The following ZGRF1 variants were observed in gnomAD, a reference collection of about 807,000 sequenced individuals.
ZGRF1 encodes the protein zinc finger GRF-type containing 1.
A neutral mutation model predicts 203.5 loss-of-function variants in ZGRF1; 196 were observed. The observed-to-expected ratio is 0.96, with a 90% CI of 0.86 to 1.08. The LOEUF (loss-of-function observed/expected upper bound fraction) is 1.08, where lower values mean the gene tolerates loss of function less well. Among genes scored for constraint, ZGRF1 ranks in the 50% least tolerant of loss-of-function variants. The pLI is 0.00. For synonymous variants in ZGRF1, 809 were observed against 841.3 expected (o/e 0.96, Z 0.66); for missense variants, 2,326 against 2,416.3 (o/e 0.96, Z 0.78).
Position 112,585,650 on chromosome 4 carries a change from T to TA in ZGRF1, c.3991dup (p.Tyr1331LeufsTer15). The TA allele has an allele frequency of 1.2e-6, 2 of 1,609,704 alleles. No homozygotes were observed. The highest frequency in any genetic ancestry group is 1.1e-5 in the South Asian group (1 of 90,742). ...CAGTTTCTCTCCCTTCAATGATGTA[T>TA]AAAATGATATGTCAACTTTTGAAAG... On this transcript the variant is annotated frameshift_variant, in exon 14 of 28. Coordinates refer to ENST00000505019, the MANE Select transcript of ZGRF1 (RefSeq NM_018392.5). LOFTEE classifies it high-confidence loss of function.
intron 16 of ZGRF1, among the ~76,000 whole-genome samples, chr4:112,569,749 A>G (rs1743859202): frequency 6.6e-6 from 1 of 152,196 alleles, no homozygotes; most frequent in Non-Finnish European, 1.5e-5. Context: ...AAATTCAACT[A>G]TCGGGCTTAT....
Position 112,560,952 on chromosome 4 carries a change from T to A in ZGRF1, c.4741A>T (p.Lys1581Ter). ...IVSNKRVSKRKFIPPAFTNVS... is the reference protein window; with the variant it reads ...IVSNKRVSKR ...TTTGTGAAGGCTGGTGGGATAAATT[T>A]TCTCTTACTGACTCTTTTGTTACTA... is the stretch of plus-strand genomic sequence containing the variant. Residue 1581 changes from lysine (K) to a stop codon, truncating the protein, a stop_gained, in exon 19 of 28, where the codon AAA (lysine) becomes TAA (stop). Coordinates refer to ENST00000505019, the MANE Select transcript of ZGRF1 (RefSeq NM_018392.5). LOFTEE classifies it high-confidence loss of function. 1 of 1,611,700 alleles carries A rather than the reference T, an allele frequency of 6.2e-7. No individual in the cohort carries two copies. The highest frequency in any genetic ancestry group is 8.5e-7 in the Non-Finnish European group (1 of 1,178,278).
At chr4:112,550,052 G>T (rs1463070803) in intron 22 of ZGRF1, among the ~76,000 whole-genome samples, 1 of 152,144 alleles carries the variant, frequency 6.6e-6, no homozygotes, top group Non-Finnish European at 1.5e-5. Flanking sequence ...AATTAGCCGG[G>T]CGTGGTGGCG....
rs374588170 is a variant in ZGRF1, at chr4:112,607,003, A to G, written c.2719-912T>C. Among the ~76,000 whole-genome samples the G allele has an allele frequency of 7.9e-5, 12 of 152,366 alleles. No individual in the cohort carries two copies. The East Asian group carries it at 2.3e-3, about 29-fold the overall frequency. ...AGAAAAAACACTTCCCCAACAGACCAGAGATAAAGTAGTATATTTCTTCAA... is the reference window on the plus strand; with the variant it reads ...AGAAAAAACACTTCCCCAACAGACCGGAGATAAAGTAGTATATTTCTTCAA... On this transcript the variant is annotated intron_variant, in intron 8 of 27. Transcript: ENST00000505019.
intron 8 of ZGRF1, among the ~76,000 whole-genome samples, chr4:112,607,394 A>G (rs891937765): frequency 2.6e-5 from 4 of 152,222 alleles, no homozygotes; most frequent in African/African-American, 7.2e-5. Flanking sequence ...TTGGCTTCCC[A>G]AAGTGTTGGG....
chr4:112,602,477 T>C (rs962987807), intron 10 of ZGRF1, among the ~76,000 whole-genome samples: 7 of 152,212 alleles, frequency 4.6e-5, no homozygotes, highest in South Asian at 4.1e-4. Flanking sequence ...CAGTTTTGCA[T>C]TATGTACTAA....
chr4:112,615,633 CTTT>C (rs1190163561), intron 6 of ZGRF1, among the ~76,000 whole-genome samples: 3 of 139,110 alleles, frequency 2.2e-5, no homozygotes, highest in African/African-American at 2.6e-5. Flanking sequence ...AAGCTTTTTA[CTTT>C]TTTTTTTTTT....
chr4:112,622,764 T>C (rs2047104469), intron 4 of ZGRF1, among the ~76,000 whole-genome samples: 1 of 152,176 alleles, frequency 6.6e-6, no homozygotes, highest in Admixed American at 6.5e-5. Context: ...TCTCTTTCCA[T>C]GCTTTTTCCT....
intron 15 of ZGRF1, 114 bp from the exon 16 acceptor site, chr4:112,581,916 A>G: frequency 2.2e-6 from 1 of 449,768 alleles, no homozygotes; most frequent in Non-Finnish European, 3.8e-6. Context: ...ACCTAGTTTC[A>G]TACATGTATA....
intron 16 of ZGRF1, among the ~76,000 whole-genome samples, chr4:112,569,815 C>G (rs1218558935): frequency 6.6e-6 from 1 of 151,592 alleles, no homozygotes; most frequent in Non-Finnish European, 1.5e-5. Flanking sequence ...TAAGGAACAC[C>G]TGTAAAATAT....
chr4:112,570,856 C>T (rs1744075506), intron 16 of ZGRF1, among the ~76,000 whole-genome samples: 1 of 152,048 alleles, frequency 6.6e-6, no homozygotes, highest in South Asian at 2.1e-4. Context: ...GTAAACTCAA[C>T]ACTTTGGGAG....
intron 5 of ZGRF1, 69 bp from the exon 6 acceptor site, chr4:112,619,759 GA>G (rs1056988316): frequency 1.5e-4 from 176 of 1,197,748 alleles, no homozygotes; most frequent in South Asian, 2.7e-4. Flanking sequence ...AACTGGCTAA[GA>G]AAAAAAAAGG....
rs1375823567 is a variant in ZGRF1, at chr4:112,586,555, G to A, written c.3806C>T (p.Pro1269Leu). 1.2e-6 allele frequency: 2 copies of A among 1,612,682 alleles called. No individual in the cohort carries two copies. Among genetic ancestry groups the A allele is most frequent in the East Asian group, 4.5e-5 (2 of 44,812 alleles). Reference sequence around the variant, plus strand: ...AGCAGATTTTATTTTCTGCCCACTTGGAAAGCACAGCTCAGAGCCACTTAT... The same window carrying A: ...AGCAGATTTTATTTTCTGCCCACTTAGAAAGCACAGCTCAGAGCCACTTAT... Reference protein sequence around the residue: ...QEISGSELCFPSGQKIKSAYL... With the variant: ...QEISGSELCFLSGQKIKSAYL... Residue 1269 changes from proline to leucine, a missense_variant, in exon 13 of 28, where the codon CCA (proline) becomes CTA (leucine). Transcript: ENST00000505019.
chr4:112,557,173 TTC>T (rs1184958189), intron 20 of ZGRF1, among the ~76,000 whole-genome samples: 3 of 150,080 alleles, frequency 2.0e-5, no homozygotes, highest in African/African-American at 5.0e-5. Context: ...CTACTTCTTC[TTC>T]TTTTTTTTTT....
intron 3 of ZGRF1, among the ~76,000 whole-genome samples, chr4:112,626,171 A>G (rs941917567): frequency 3.3e-5 from 5 of 152,222 alleles, no homozygotes; most frequent in African/African-American, 2.4e-5. Flanking sequence ...TGCCAAATTT[A>G]AATTGTGCTA....
rs1359916760 is a variant in ZGRF1, at chr4:112,554,775, T to C, written c.5128A>G (p.Ser1710Gly). The C allele has an allele frequency of 1.3e-6, 2 of 1,520,358 alleles. No individual in the cohort carries two copies. Among genetic ancestry groups the C allele is most frequent in the Admixed American group, 2.0e-5 (1 of 50,782 alleles). The allele number at this position is 1,520,358 out of a possible 1,614,324, so 94.2% of individuals were successfully genotyped here. The change falls in exon 21 of 28, where the codon AGT becomes GGT. Residue 1710 changes from serine to glycine, a missense_variant. Ser to Gly is a moderately conservative substitution (Grantham distance 56). Coordinates refer to ENST00000505019, the MANE Select transcript of ZGRF1 (RefSeq NM_018392.5). The stretch of plus-strand genomic sequence containing the variant: ...CTGATAAAGTTTTCAAATCCAAGAC[T>C]GAGAAGCCTTTAAATAAGAAAACAA... ...AVDRVLLGLLSLGFENFIRVG... is the reference protein window; with the variant it reads ...AVDRVLLGLLGLGFENFIRVG...
chr4:112,609,358 T>G, intron 8 of ZGRF1, 21 bp downstream of exon 8: 1 of 1,450,392 alleles, frequency 6.9e-7, no homozygotes, highest in Non-Finnish European at 9.3e-7. Context: ...CAGGGGCTAA[T>G]TTATATTTTA....
chr4:112,616,660 C>T (rs1463150866), intron 6 of ZGRF1, among the ~76,000 whole-genome samples: 1 of 151,300 alleles, frequency 6.6e-6, no homozygotes. Flanking sequence ...CATAGTGAAA[C>T]CCTGTCTCTA....
chr4:112,604,345 C>T (rs534655541), intron 9 of ZGRF1, among the ~76,000 whole-genome samples: 3 of 152,156 alleles, frequency 2.0e-5, no homozygotes, highest in African/African-American at 4.8e-5. Context: ...TATTTAGTTG[C>T]TTCTCAATGC....
Sources: gnomAD v4.1 joint callset for allele counts (sites outside exome capture counted in the v4.1 genomes callset) on GRCh38, gnomAD v4.1.1 for gene constraint, MANE v1.5 for transcripts, NCBI Gene and HGNC (gene_info 2026-07-23, HGNC 2026-07-21) for gene names.